MMD: variants seen among roughly 807,000 people sequenced by gnomAD.
The protein encoded by MMD is monocyte to macrophage differentiation factor.
MMD carries 22 observed loss-of-function variants against 33.6 expected under a neutral mutation model. The ratio of observed to expected loss-of-function variants is 0.66; its 90% CI spans 0.47 to 0.94. The LOEUF is 0.94. Among genes scored for constraint, MMD ranks in the 40% least tolerant of loss-of-function variants. MMD has a pLI of 0.00. For synonymous variants in MMD, 97 were observed against 103.2 expected, an observed-to-expected ratio of 0.94 and a Z score of 0.36; for missense variants, 242 against 309.8, an observed-to-expected ratio of 0.78 and a Z score of 1.64.
intron 1 of MMD, among the ~76,000 whole-genome samples, chr17:55,418,578 T>A (rs933628977): frequency 2.0e-5 from 3 of 152,236 alleles, no homozygotes; most frequent in Non-Finnish European, 2.9e-5. Context: ...ATCATTTATG[T>A]TGCAACGTAT....
chr17:55,417,659 G>A (rs560317442), intron 1 of MMD, among the ~76,000 whole-genome samples: 1 of 152,242 alleles, frequency 6.6e-6, no homozygotes, highest in Admixed American at 6.5e-5. Context: ...TTAGCCAGGT[G>A]TGGTAGTGTA....
intron 1 of MMD, among the ~76,000 whole-genome samples, chr17:55,415,566 G>C (rs905918423): frequency 3.3e-5 from 5 of 152,128 alleles, no homozygotes; most frequent in African/African-American, 1.2e-4. Flanking sequence ...CCATTTTAGA[G>C]AGTGCCAAGT....
At chr17:55,404,649 G>A (rs1226474731) in intron 4 of MMD, 3 of 985,178 alleles carry the variant, frequency 3.0e-6, no homozygotes, top group South Asian at 4.7e-5. Flanking sequence ...GAGAGAGTAT[G>A]AGAAGAATTA....
In MMD at chr17:55,394,274, A is replaced by G; in HGVS notation, c.*60T>C. Reference sequence around the variant, plus strand: ...TTTCCCTGTGCAATGTTTAGCTCTCACCCCACTCCCAAGTGCCATAATTGA... The same window carrying G: ...TTTCCCTGTGCAATGTTTAGCTCTCGCCCCACTCCCAAGTGCCATAATTGA... On this transcript the variant is annotated 3_prime_UTR_variant, in exon 7 of 7. Coordinates refer to ENST00000262065, the MANE Select transcript of MMD (RefSeq NM_012329.3). 5 of 1,220,420 alleles carry G rather than the reference A, an allele frequency of 4.1e-6. No homozygotes were observed. Among genetic ancestry groups the G allele is most frequent in the Non-Finnish European group, 5.3e-6 (5 of 936,044 alleles). The allele number at this position is 1,220,420 out of a possible 1,614,324, so 75.6% of individuals were successfully genotyped here.
rs893991534 is a variant in MMD at position 55,403,755 on chromosome 17, A to C, written c.446+12T>G. ...ATTTTAAAACTATCAAATGTAAATTATTTTCTCTTACTTTTCATGGTAGAG... is the reference window on the plus strand; with the variant it reads ...ATTTTAAAACTATCAAATGTAAATTCTTTTCTCTTACTTTTCATGGTAGAG... On this transcript the variant is annotated intron_variant, in intron 5 of 6. Coordinates refer to ENST00000262065, the MANE Select transcript of MMD (RefSeq NM_012329.3). 8.2e-6 allele frequency: 13 copies of C among 1,587,698 alleles called. No individual in the cohort carries two copies. The African/African-American group carries it at 1.8e-4, about 21-fold the overall frequency.
chr17:55,395,608 A>G (rs1025020392), intron 6 of MMD, among the ~76,000 whole-genome samples: 1 of 152,242 alleles, frequency 6.6e-6, no homozygotes, highest in Non-Finnish European at 1.5e-5. Context: ...ATCTAGGGCC[A>G]GCTGTGAGCT....
At chr17:55,405,404 T>C (rs1158471619) in intron 4 of MMD, among the ~76,000 whole-genome samples, 1 of 145,496 alleles carries the variant, frequency 6.9e-6, no homozygotes, top group East Asian at 2.0e-4. Flanking sequence ...AAAGAATAAA[T>C]GAGGAAGAAA....
In MMD at chr17:55,411,405, G is replaced by C; in HGVS notation, c.121C>G (p.Pro41Ala). 1 of 1,611,346 alleles carries C rather than the reference G, an allele frequency of 6.2e-7. No homozygotes were observed. The highest frequency in any genetic ancestry group is 8.5e-7 in the Non-Finnish European group (1 of 1,179,304). ...AGGAGGGCACTGCCCACGATGGCCG[G>C]AACAATGAGGAACTGAGGGAAAGAT... The part of the protein sequence containing the change: ...NCYTHAFLIV[P>A]AIVGSALLHR... The change falls in exon 3 of 7, where the codon CCG (proline) becomes GCG (alanine). Residue 41 changes from proline to alanine, a missense_variant. Transcript: ENST00000262065.
chr17:55,408,860 G>A (rs987212347), intron 3 of MMD, among the ~76,000 whole-genome samples: 14 of 152,082 alleles, frequency 9.2e-5, no homozygotes, highest in Admixed American at 5.9e-4. Flanking sequence ...AATTAGCCAG[G>A]TGTGGTGGCG....
At chr17:55,400,606 T>C (rs1364276825) in intron 6 of MMD, among the ~76,000 whole-genome samples, 3 of 148,954 alleles carry the variant, frequency 2.0e-5, no homozygotes, top group Admixed American at 1.3e-4. Flanking sequence ...AGGAGTGAAA[T>C]CCTAAGTACA....
At chr17:55,401,837 GC>G (rs1421869068) in intron 5 of MMD, among the ~76,000 whole-genome samples, 1 of 152,106 alleles carries the variant, frequency 6.6e-6, no homozygotes, top group African/African-American at 2.4e-5. Context: ...ACTTTGGGAA[GC>G]CGAGGCGGGC....
At chr17:55,406,063 C>G (rs149989374) in intron 4 of MMD, among the ~76,000 whole-genome samples, 444 of 152,342 alleles carry the variant, frequency 2.9e-3, no homozygotes, top group African/African-American at 0.01. Flanking sequence ...TATATAGTAG[C>G]TACTGCACTT....
intron 4 of MMD, among the ~76,000 whole-genome samples, chr17:55,406,619 G>A (rs1907556843): frequency 6.6e-6 from 1 of 152,062 alleles, no homozygotes; most frequent in South Asian, 2.1e-4. Context: ...GGTGGCTCAT[G>A]ACTGTAATCC....
chr17:55,418,343 G>C (rs1360550676), intron 1 of MMD, among the ~76,000 whole-genome samples: 1 of 152,202 alleles, frequency 6.6e-6, no homozygotes, highest in Non-Finnish European at 1.5e-5. Flanking sequence ...CCAGCTTATT[G>C]CTAGAGCTTA....
At chr17:55,415,228 T>C (rs918644858) in intron 1 of MMD, among the ~76,000 whole-genome samples, 1 of 151,348 alleles carries the variant, frequency 6.6e-6, no homozygotes, top group Non-Finnish European at 1.5e-5. Context: ...AAAAAGCAGC[T>C]GTCTGAATAA....
At chr17:55,419,965 TC>T (rs1332719479) in intron 1 of MMD, 3 of 152,134 alleles carry the variant, frequency 2.0e-5, no homozygotes, top group Non-Finnish European at 4.4e-5. Flanking sequence ...GAGATCAGTG[TC>T]CAGCAAAAAT....
chr17:55,395,647 C>A (rs1907071075), intron 6 of MMD, among the ~76,000 whole-genome samples: 1 of 152,252 alleles, frequency 6.6e-6, no homozygotes, highest in South Asian at 2.1e-4. Flanking sequence ...TCACAGAAGC[C>A]CCCATGTTTT....
intron 6 of MMD, among the ~76,000 whole-genome samples, chr17:55,396,616 G>C (rs1249867650): frequency 6.6e-6 from 1 of 151,460 alleles, no homozygotes; most frequent in East Asian, 1.9e-4. Context: ...GGTGGTGGTG[G>C]TTATTCTTTT....
At chr17:55,398,666 C>A (rs578178876) in intron 6 of MMD, among the ~76,000 whole-genome samples, 3 of 151,912 alleles carry the variant, frequency 2.0e-5, no homozygotes, top group African/African-American at 7.3e-5. Flanking sequence ...TTCTGTTAGG[C>A]GGTTTATTTA....
Sources: gnomAD v4.1 joint callset for allele counts (sites outside exome capture counted in the v4.1 genomes callset) on GRCh38, gnomAD v4.1.1 for gene constraint, MANE v1.5 for transcripts, NCBI Gene and HGNC (gene_info 2026-07-23, HGNC 2026-07-21) for gene names.